The following USP15 variants were observed in gnomAD, a reference collection of about 807,000 sequenced individuals.
USP15 encodes the protein ubiquitin specific peptidase 15, also known as ubiquitin carboxyl-terminal hydrolase 15.
Under a neutral mutation model 127.1 loss-of-function variants are expected in USP15, and 18 were observed. That is an observed-to-expected ratio of 0.14 (90% CI 0.10 to 0.21). The LOEUF is 0.21. Among genes scored for constraint, USP15 ranks in the 10% least tolerant of loss-of-function variants. The pLI is 1.00. For synonymous variants in USP15, 364 were observed against 393.7 expected (o/e 0.92, Z 0.89); for missense variants, 805 against 1,159.9 (o/e 0.69, Z 4.44).
At chr12:62,313,518 A>G (rs895932035) in intron 3 of USP15, among the ~76,000 whole-genome samples, 9 of 151,652 alleles carry the variant, frequency 5.9e-5, no homozygotes, top group African/African-American at 2.2e-4. Flanking sequence ...TTACTCAGCT[A>G]TTGAGCCCCA....
At chr12:62,357,049 GT>G (rs546956715) in intron 8 of USP15, among the ~76,000 whole-genome samples, 2 of 151,894 alleles carry the variant, frequency 1.3e-5, no homozygotes, top group South Asian at 4.2e-4. Context: ...ATCAGCTAGA[GT>G]TTTTTTTCCT....
chr12:62,279,353 T>C (rs2137083906), intron 1 of USP15, among the ~76,000 whole-genome samples: 1 of 152,142 alleles, frequency 6.6e-6, no homozygotes, highest in East Asian at 1.9e-4. Flanking sequence ...TAAATAGTAC[T>C]CCATTTTTCT....
intron 8 of USP15, among the ~76,000 whole-genome samples, chr12:62,380,268 A>T (rs1200919105): frequency 6.6e-6 from 1 of 151,854 alleles, no homozygotes; most frequent in African/African-American, 2.4e-5. Flanking sequence ...ATTATTGACT[A>T]CTTCAGTAAA....
chr12:62,291,641 A>G (rs987268561), intron 1 of USP15, among the ~76,000 whole-genome samples: 2 of 152,190 alleles, frequency 1.3e-5, no homozygotes, highest in Admixed American at 1.3e-4. Flanking sequence ...CACATTTCTC[A>G]GTTTGAATTA....
At chr12:62,369,545 TA>T (rs2066593663) in intron 8 of USP15, among the ~76,000 whole-genome samples, 2 of 152,156 alleles carry the variant, frequency 1.3e-5, no homozygotes, top group South Asian at 2.1e-4. Flanking sequence ...GTGCCAGCTC[TA>T]AAAAGAGGAG....
chr12:62,347,364 C>T (rs569225509), intron 6 of USP15, among the ~76,000 whole-genome samples: 2 of 150,548 alleles, frequency 1.3e-5, no homozygotes, highest in South Asian at 2.1e-4. Context: ...AGTGTATACA[C>T]TGTGCATATA....
intron 8 of USP15, among the ~76,000 whole-genome samples, chr12:62,377,080 G>A (rs1232285060): frequency 1.3e-5 from 2 of 152,018 alleles, no homozygotes; most frequent in African/African-American, 2.4e-5. Context: ...CATAGTAGGT[G>A]TATACATTTA....
intron 14 of USP15, 72 bp downstream of exon 14, chr12:62,390,060 A>T (rs2067273749): frequency 7.3e-6 from 10 of 1,364,872 alleles, no homozygotes; most frequent in Non-Finnish European, 9.7e-6. Context: ...ATAAAAATAA[A>T]CACATAAGGT....
intron 6 of USP15, among the ~76,000 whole-genome samples, chr12:62,326,892 G>T (rs1290036518): frequency 6.6e-6 from 1 of 152,136 alleles, no homozygotes; most frequent in Non-Finnish European, 1.5e-5. Context: ...AGCACTTTGG[G>T]AGGCGAAGAC....
intron 1 of USP15, among the ~76,000 whole-genome samples, chr12:62,281,272 T>C (rs777202803): frequency 5.3e-5 from 8 of 152,200 alleles, no homozygotes; most frequent in Admixed American, 2.0e-4. Flanking sequence ...TCTTCTAATC[T>C]CATCTTTCTA....
chr12:62,279,316 A>G (rs1425440195), intron 1 of USP15, among the ~76,000 whole-genome samples: 1 of 152,148 alleles, frequency 6.6e-6, no homozygotes, highest in Non-Finnish European at 1.5e-5. Context: ...ATGTTGCTGC[A>G]TATGGCAGGA....
chr12:62,308,242 A>G (rs1400718108), intron 3 of USP15, among the ~76,000 whole-genome samples: 1 of 152,028 alleles, frequency 6.6e-6, no homozygotes, highest in Non-Finnish European at 1.5e-5. Context: ...CTTTGGAAGA[A>G]CTGAGTGTAT....
At chr12:62,376,872 T>C (rs1346043877) in intron 8 of USP15, among the ~76,000 whole-genome samples, 1 of 152,166 alleles carries the variant, frequency 6.6e-6, no homozygotes, top group Non-Finnish European at 1.5e-5. Context: ...TTTCTACTGC[T>C]ACCTACACAT....
rs368484528 is a variant in USP15 at position 62,381,609 on chromosome 12, G to C, written c.1035G>C (p.Leu345=). 3 of 1,612,822 alleles carry C rather than the reference G, an allele frequency of 1.9e-6. No individual in the cohort carries two copies. Among genetic ancestry groups the C allele is most frequent in the Admixed American group, 3.3e-5 (2 of 59,940 alleles). The change falls in exon 9 of 22, where the codon CTG becomes CTC. Residue 345 remains leucine (L), a synonymous_variant. Transcript: ENST00000280377. ...AAATAGCTAAATCTTATGCCGAACT[G>C]ATCAAGCAAATGTGGTCTGGAAAGT... is the stretch of plus-strand genomic sequence containing the variant. ...RGEIAKSYAE[L]IKQMWSGKFS...
intron 1 of USP15, among the ~76,000 whole-genome samples, chr12:62,286,978 T>C (rs1040288428): frequency 2.0e-5 from 3 of 151,246 alleles, no homozygotes; most frequent in Admixed American, 6.6e-5. Context: ...CATGCAATAC[T>C]GTGCAGCTAT....
intron 19 of USP15, among the ~76,000 whole-genome samples, chr12:62,394,856 A>C (rs1463771205): frequency 6.6e-6 from 1 of 152,092 alleles, no homozygotes; most frequent in Non-Finnish European, 1.5e-5. Context: ...CCTCTCAAAA[A>C]AAAAAAAAAA....
chr12:62,285,026 A>G (rs2063750198), intron 1 of USP15, among the ~76,000 whole-genome samples: 1 of 152,122 alleles, frequency 6.6e-6, no homozygotes, highest in African/African-American at 2.4e-5. Context: ...TATAGGAGGA[A>G]CAGTCAGAGA....
chr12:62,366,844 G>A (rs2066490681), intron 8 of USP15, among the ~76,000 whole-genome samples: 2 of 152,170 alleles, frequency 1.3e-5, no homozygotes, highest in Admixed American at 1.3e-4. Context: ...TTACGTGATG[G>A]ATTACTTTTA....
intron 8 of USP15, among the ~76,000 whole-genome samples, chr12:62,378,413 T>C (rs757432493): frequency 6.6e-6 from 1 of 152,212 alleles, no homozygotes; most frequent in Non-Finnish European, 1.5e-5. Flanking sequence ...GTGTAGCTTG[T>C]TAGAATATAT....
Sources: allele counts gnomAD v4.1 joint callset (sites outside exome capture counted in the v4.1 genomes callset), GRCh38; gene constraint gnomAD v4.1.1; transcripts MANE v1.5; gene names NCBI Gene and HGNC (gene_info 2026-07-23, HGNC 2026-07-21).